Variants in CD200R1L observed in about 807,000 individuals in gnomAD.
The protein encoded by CD200R1L is CD200 receptor 1 like, also known as cell surface glycoprotein CD200 receptor 2.
In CD200R1L, 14 loss-of-function variants were observed where a neutral mutation model predicts 24.8. The observed-to-expected ratio is 0.56, with a 90% CI of 0.37 to 0.88. The LOEUF (loss-of-function observed/expected upper bound fraction) is 0.88. Among genes scored for constraint, CD200R1L ranks in the 40% least tolerant of loss-of-function variants. The pLI is 0.00. For missense variants in CD200R1L, 299 were observed against 297.8 expected, an observed-to-expected ratio of 1.00 and a Z score of -0.03; for synonymous variants, 111 against 109.2, an observed-to-expected ratio of 1.02 and a Z score of -0.11.
rs1033653007 is a variant in CD200R1L, at chr3:112,846,634, T to G, written c.-368A>C. On this transcript the variant is annotated 5_prime_UTR_variant, in exon 1 of 8. Coordinates refer to ENST00000488794, the MANE Select transcript of CD200R1L (RefSeq NM_001199215.3). ...TTCTAATCCCCAGTACCTCAGAAGA[T>G]GACCTTATTTGGAAATAGGGTCATT... 1 of 152,252 alleles carries G rather than the reference T, an allele frequency of 6.6e-6. No individual in the cohort carries two copies. The highest frequency in any genetic ancestry group is 1.5e-5 in the Non-Finnish European group (1 of 68,038). 9.4% of individuals were successfully genotyped at this position (152,252 alleles called of 1,614,324 possible). A position where few individuals can be genotyped will look rare whatever the true frequency, so the allele number is the denominator to read the frequency against.
Position 112,827,092 on chromosome 3 carries a change from C to T in CD200R1L, c.517G>A (p.Val173Ile), listed in dbSNP as rs1322701775. 3 of 1,613,410 alleles carry T rather than the reference C, an allele frequency of 1.9e-6. No homozygotes were observed. The highest frequency in any genetic ancestry group is 2.2e-5 in the South Asian group (2 of 91,040). ...CCCTCCCAGGGGCATGTACTCTTAA[C>T]CGTCACTGTGCCATTGCCCCAGTAT... is the stretch of plus-strand genomic sequence containing the variant. The part of the protein sequence containing the change: ...QEYWGNGTVT[V>I]KSTCPWEGHK... The change falls in exon 6 of 8, where the codon GTT (valine) becomes ATT (isoleucine). Residue 173 changes from valine to isoleucine, a missense_variant. Physicochemically the swap from Val to Ile is conservative, Grantham distance 29. Transcript: ENST00000488794.
intron 2 of CD200R1L, among the ~76,000 whole-genome samples, chr3:112,843,831 C>T (rs1939136383): frequency 6.6e-6 from 1 of 151,830 alleles, no homozygotes; most frequent in South Asian, 2.1e-4. Context: ...ACAACACACA[C>T]AGGCTGAAAG....
intron 6 of CD200R1L, among the ~76,000 whole-genome samples, chr3:112,820,337 T>C (rs1000369959): frequency 6.6e-6 from 1 of 152,210 alleles, no homozygotes; most frequent in Non-Finnish European, 1.5e-5. Context: ...TAGCAAGGTG[T>C]TTTATATCTT....
chr3:112,823,830 G>A (rs942767435), intron 6 of CD200R1L, among the ~76,000 whole-genome samples: 2 of 152,174 alleles, frequency 1.3e-5, no homozygotes, highest in Non-Finnish European at 2.9e-5. Flanking sequence ...GCATGTAAAA[G>A]GGAACAGAGG....
rs1315333516 is a variant in CD200R1L at position 112,815,909 on chromosome 3, A to C, written c.*54T>G. 1.4e-5 allele frequency: 11 copies of C among 778,870 alleles called. No homozygotes were observed. Among genetic ancestry groups the C allele is most frequent in the Non-Finnish European group, 2.4e-5 (10 of 417,042 alleles). The allele number at this position is 778,870 out of a possible 1,614,324, so 48.2% of individuals were successfully genotyped here. Reference sequence around the variant, plus strand: ...TGCTGGACCATCACTCATCTCACCAATGTTGCAGTCCAGAGACAAGGAGGA... The same window carrying C: ...TGCTGGACCATCACTCATCTCACCACTGTTGCAGTCCAGAGACAAGGAGGA... On this transcript the variant is annotated 3_prime_UTR_variant, in exon 8 of 8. Transcript: ENST00000488794.
chr3:112,843,397 T>C (rs561250447), intron 2 of CD200R1L, among the ~76,000 whole-genome samples: 1 of 152,216 alleles, frequency 6.6e-6, no homozygotes, highest in South Asian at 2.1e-4. Flanking sequence ...CCAGAAGAGA[T>C]TGGGGTCTAT....
chr3:112,824,050 A>G (rs1329128975), intron 6 of CD200R1L, among the ~76,000 whole-genome samples: 1 of 152,208 alleles, frequency 6.6e-6, no homozygotes, highest in African/African-American at 2.4e-5. Flanking sequence ...AAATTGGAGG[A>G]AGTTAAGCTG....
intron 7 of CD200R1L, 24 bp downstream of exon 7, chr3:112,819,748 T>C (rs764343240): frequency 1.0e-5 from 16 of 1,579,248 alleles, no homozygotes; most frequent in Non-Finnish European, 1.2e-5. Context: ...CTGTGTCTTA[T>C]GCTTTTCAGT....
intron 7 of CD200R1L, among the ~76,000 whole-genome samples, chr3:112,816,957 T>C (rs983093136): frequency 4.6e-5 from 7 of 152,178 alleles, no homozygotes; most frequent in Non-Finnish European, 5.9e-5. Flanking sequence ...ACCATGATTA[T>C]GAGGCCTCCC....
intron 3 of CD200R1L, chr3:112,829,731 A>T (rs1455198855): frequency 6.3e-6 from 1 of 158,460 alleles, no homozygotes; most frequent in Non-Finnish European, 1.4e-5. Flanking sequence ...TGGTCCAATT[A>T]TACTCCTTTC....
In CD200R1L at chr3:112,827,175, T is replaced by C; in HGVS notation, c.434A>G (p.Lys145Arg). The C allele has an allele frequency of 6.2e-7, 1 of 1,613,704 alleles. No individual in the cohort carries two copies. The highest frequency in any genetic ancestry group is 8.5e-7 in the Non-Finnish European group (1 of 1,180,014). Residue 145 changes from lysine (K) to arginine (R), a missense_variant, in exon 6 of 8, where the codon AAG becomes AGG. Physicochemically the swap from Lys to Arg is conservative, Grantham distance 26. Transcript: ENST00000488794. ...GATCCAGGAGATCTGGGCAGCTGGC[T>C]TCCCTGTAACTGCCTTGCATACTGC... is the stretch of plus-strand genomic sequence containing the variant. The part of the protein sequence containing the change: ...ITAVCKAVTG[K>R]PAAQISWIPE...
At chr3:112,840,147 T>C (rs990839964) in intron 2 of CD200R1L, among the ~76,000 whole-genome samples, 3 of 152,328 alleles carry the variant, frequency 2.0e-5, no homozygotes, top group African/African-American at 7.2e-5. Flanking sequence ...AGGCAGAGAT[T>C]CTAGATTCAG....
At chr3:112,819,674 A>T in intron 7 of CD200R1L, 98 bp downstream of exon 7, 4 of 1,308,258 alleles carry the variant, frequency 3.1e-6, no homozygotes, top group Non-Finnish European at 4.1e-6. Context: ...ATACCAAAAA[A>T]GTGTCAAGCT....
At chr3:112,823,536 G>C (rs999023802) in intron 6 of CD200R1L, among the ~76,000 whole-genome samples, 1 of 152,160 alleles carries the variant, frequency 6.6e-6, no homozygotes, top group Non-Finnish European at 1.5e-5. Context: ...TGGAGAATTA[G>C]TTGGTGTAGG....
intron 2 of CD200R1L, among the ~76,000 whole-genome samples, chr3:112,843,811 C>T (rs532808506): frequency 6.6e-6 from 1 of 151,786 alleles, no homozygotes; most frequent in African/African-American, 2.4e-5. Flanking sequence ...ACCTATCTCA[C>T]ACAGACCTAA....
chr3:112,818,723 C>A (rs968596304), intron 7 of CD200R1L: 1 of 154,404 alleles, frequency 6.5e-6, no homozygotes, highest in Non-Finnish European at 1.5e-5. Flanking sequence ...TTTTGCTGAG[C>A]TATCTTCCTC....
At chr3:112,842,239 G>A (rs191319088) in intron 2 of CD200R1L, among the ~76,000 whole-genome samples, 13 of 152,340 alleles carry the variant, frequency 8.5e-5, no homozygotes, top group African/African-American at 1.4e-4. Context: ...GCAGTGTTGC[G>A]GGAAGTCAGG....
intron 7 of CD200R1L, among the ~76,000 whole-genome samples, chr3:112,817,636 G>T (rs1938430017): frequency 6.6e-6 from 1 of 152,228 alleles, no homozygotes. Context: ...AACTGCACTA[G>T]AGTGTGATGT....
chr3:112,827,796 ATCTTAT>A, intron 4 of CD200R1L, 112 bp from the exon 5 acceptor site: 1 of 1,019,852 alleles, frequency 9.8e-7, no homozygotes, highest in Non-Finnish European at 1.4e-6. Context: ...AAATTTGCTG[ATCTTAT>A]TCCAGAAATA....
Sources: gnomAD v4.1 joint callset for allele counts (sites outside exome capture counted in the v4.1 genomes callset) on GRCh38, gnomAD v4.1.1 for gene constraint, MANE v1.5 for transcripts, NCBI Gene and HGNC (gene_info 2026-07-23, HGNC 2026-07-21) for gene names.